Variants in FHIT observed in about 807,000 individuals in gnomAD.
FHIT encodes bis(5'-adenosyl)-triphosphatase.
In FHIT, 19 loss-of-function variants were observed where a neutral mutation model predicts 17.9. That is an observed-to-expected ratio of 1.06 (90% CI 0.74 to 1.56). FHIT has a LOEUF of 1.56. Among genes scored for constraint, FHIT ranks in the 40% most tolerant of loss-of-function variants. The probability of loss-of-function intolerance (pLI) is 0.00; values close to 1 mark genes in which losing one functional copy is unlikely to be tolerated. For synonymous variants in FHIT, 81 were observed against 69.7 expected (o/e 1.16, Z -0.81); for missense variants, 248 against 189.2 (o/e 1.31, Z -1.82).
chr3:61,075,110 A>T (rs2034931338), intron 2 of FHIT, among the ~76,000 whole-genome samples: 1 of 152,162 alleles, frequency 6.6e-6, no homozygotes, highest in South Asian at 2.1e-4. Flanking sequence ...TCTACCAAAA[A>T]ATGTCTTAGC....
At chr3:61,124,963 G>C (rs539704882) in intron 2 of FHIT, among the ~76,000 whole-genome samples, 2 of 152,076 alleles carry the variant, frequency 1.3e-5, no homozygotes, top group African/African-American at 4.8e-5. Context: ...ACAACTGCTG[G>C]GTTCCACTGA....
chr3:61,204,231 C>A (rs2039130426), intron 1 of FHIT, among the ~76,000 whole-genome samples: 1 of 152,074 alleles, frequency 6.6e-6, no homozygotes, highest in African/African-American at 2.4e-5. Flanking sequence ...TTCAGGCTAT[C>A]TTTATCTTGA....
In FHIT at chr3:60,597,300, T is replaced by G. The variant is rs116238134; in HGVS notation, c.-17-60321A>C. On this transcript the variant is annotated intron_variant, in intron 4 of 9. Coordinates refer to ENST00000492590, the MANE Select transcript of FHIT (RefSeq NM_002012.4). ...AATAGTGAGAACTTTTGCTATAAAA[T>G]TGTTTTACAGCAGCTAACAAGCAGT... Among the ~76,000 whole-genome samples the G allele has an allele frequency of 5.9e-4, 90 of 152,234 alleles. No individual in the cohort carries two copies. In the East Asian group the frequency reaches 0.016, roughly 27 times the overall value.
chr3:60,839,386 A>G (rs782278701), intron 3 of FHIT, among the ~76,000 whole-genome samples: 8 of 151,662 alleles, frequency 5.3e-5, no homozygotes, highest in Non-Finnish European at 8.8e-5. Flanking sequence ...TGCCTGCCGA[A>G]TGACTTCAGT....
chr3:60,062,250 G>A (rs1221705190), intron 5 of FHIT, among the ~76,000 whole-genome samples: 2 of 152,108 alleles, frequency 1.3e-5, no homozygotes, highest in African/African-American at 2.4e-5. Context: ...TTACTATGGA[G>A]TTGAGATGAG....
intron 1 of FHIT, among the ~76,000 whole-genome samples, chr3:61,249,355 T>C (rs1203483375): frequency 3.3e-5 from 5 of 152,238 alleles, no homozygotes; most frequent in Non-Finnish European, 7.3e-5. Flanking sequence ...ATGGAATCTT[T>C]ATTATAGGCC....
chr3:60,552,144 C>A (rs1009528356), intron 4 of FHIT, among the ~76,000 whole-genome samples: 86 of 152,256 alleles, frequency 5.6e-4, no homozygotes, highest in African/African-American at 2.0e-3. Flanking sequence ...GATTCATCCA[C>A]ATTTTACCAT....
At chr3:60,169,042 C>T (rs907321538) in intron 5 of FHIT, among the ~76,000 whole-genome samples, 23 of 152,260 alleles carry the variant, frequency 1.5e-4, no homozygotes, top group South Asian at 4.2e-4. Flanking sequence ...GGTAAAAGTA[C>T]GTGGATGACC....
At chr3:60,870,928 T>C (rs1170624597) in intron 3 of FHIT, among the ~76,000 whole-genome samples, 2 of 152,192 alleles carry the variant, frequency 1.3e-5, no homozygotes, top group Non-Finnish European at 2.9e-5. Context: ...CTCCTGGTGA[T>C]GCCCCAGACA....
chr3:60,733,579 C>G (rs903678562), intron 4 of FHIT, among the ~76,000 whole-genome samples: 2 of 152,168 alleles, frequency 1.3e-5, no homozygotes, highest in Non-Finnish European at 2.9e-5. Flanking sequence ...CCAACCGATG[C>G]CCATCACTTC....
chr3:59,958,178 T>C (rs1707495570), intron 7 of FHIT, among the ~76,000 whole-genome samples: 1 of 152,250 alleles, frequency 6.6e-6, no homozygotes, highest in Non-Finnish European at 1.5e-5. Flanking sequence ...GTAGGCAGTG[T>C]TGAAAATCAT....
At chr3:60,663,162 C>CTATATATATATATATATA (rs562170635) in intron 4 of FHIT, among the ~76,000 whole-genome samples, 1 of 32,656 alleles carries the variant, frequency 3.1e-5, no homozygotes, top group African/African-American at 9.0e-5. Context: ...AGATATATAT[C>CTATATATATATATATATA]TCTTTAATGT....
chr3:60,032,903 C>T lies in FHIT; in HGVS notation c.104-18751G>A, dbSNP rs555365624. ...TATAGCTAGCATCTACCCTGGAGCC[C>T]ACCTTAGAGCTAACTTACTTTACAC... On this transcript the variant is annotated intron_variant, in intron 5 of 9. Transcript: ENST00000492590. Among the ~76,000 whole-genome samples the T allele has an allele frequency of 2.0e-5, 3 of 152,164 alleles. No individual in the cohort carries two copies. In the East Asian group the frequency reaches 5.8e-4, roughly 29 times the overall value.
In FHIT at chr3:60,801,804, T is replaced by C. The variant is rs1407885699; in HGVS notation, c.-18+20115A>G. ...TGTCTCTCATGAAAGCCTGATACGG[T>C]AGGCTCTATATACATACTGGTGATG... On this transcript the variant is annotated intron_variant, in intron 4 of 9. Coordinates refer to ENST00000492590, the MANE Select transcript of FHIT (RefSeq NM_002012.4). Among the ~76,000 whole-genome samples, 14 of 152,330 alleles carry C rather than the reference T, an allele frequency of 9.2e-5. No individual in the cohort carries two copies. The East Asian group carries it at 1.2e-3, about 13-fold the overall frequency.
intron 3 of FHIT, among the ~76,000 whole-genome samples, chr3:61,025,968 T>A (rs2032711416): frequency 6.6e-6 from 1 of 152,216 alleles, no homozygotes; most frequent in South Asian, 2.1e-4. Context: ...TATATATTAT[T>A]TTCATTTTAT....
At chr3:60,306,006 G>A (rs1368004751) in intron 5 of FHIT, among the ~76,000 whole-genome samples, 1 of 152,020 alleles carries the variant, frequency 6.6e-6, no homozygotes, top group Non-Finnish European at 1.5e-5. Flanking sequence ...TTGTATTTTA[G>A]AAAAGCAAAT....
intron 5 of FHIT, among the ~76,000 whole-genome samples, chr3:60,256,843 TCTTA>T (rs1706020375): frequency 6.6e-6 from 1 of 152,208 alleles, no homozygotes; most frequent in African/African-American, 2.4e-5. Context: ...CACTCTATGA[TCTTA>T]CTAATATTCA....
intron 7 of FHIT, among the ~76,000 whole-genome samples, chr3:59,974,701 A>G (rs1048370471): frequency 2.0e-5 from 3 of 152,118 alleles, no homozygotes; most frequent in Non-Finnish European, 2.9e-5. Context: ...GCCAAGCCCA[A>G]TAAATGTTAA....
chr3:60,970,614 T>C (rs1709965516), intron 3 of FHIT, among the ~76,000 whole-genome samples: 1 of 152,230 alleles, frequency 6.6e-6, no homozygotes, highest in Admixed American at 6.5e-5. Flanking sequence ...TAACTGTACA[T>C]TCTTTAAGTG....
Sources: gnomAD v4.1 joint callset for allele counts (sites outside exome capture counted in the v4.1 genomes callset) on GRCh38, gnomAD v4.1.1 for gene constraint, MANE v1.5 for transcripts, NCBI Gene and HGNC (gene_info 2026-07-23, HGNC 2026-07-21) for gene names.